HCLS1: variants seen among roughly 807,000 people sequenced by gnomAD.
HCLS1 encodes the protein hematopoietic cell-specific Lyn substrate 1.
HCLS1 carries 44 observed loss-of-function variants against 68.6 expected under a neutral mutation model. The observed-to-expected ratio is 0.64, with a 90% CI of 0.50 to 0.82. The LOEUF is 0.82. HCLS1 is among the 40% of genes least tolerant of loss of function. The pLI is 0.00. For missense variants in HCLS1, 602 were observed against 612.1 expected (o/e 0.98, Z 0.17); for synonymous variants, 217 against 225.8 (o/e 0.96, Z 0.35).
chr3:121,651,737 C>A (rs982471469), intron 3 of HCLS1, among the ~76,000 whole-genome samples: 1 of 152,190 alleles, frequency 6.6e-6, no homozygotes, highest in African/African-American at 2.4e-5. Flanking sequence ...AAAATACTAA[C>A]AATAACAAAT....
intron 6 of HCLS1, 120 bp from the exon 7 acceptor site, chr3:121,637,376 G>A (rs2049160247): frequency 1.5e-6 from 1 of 672,630 alleles, no homozygotes; most frequent in African/African-American, 1.8e-5. Context: ...AAAAGAGCAG[G>A]GCTTGAATAC....
rs1421253473 is a variant in HCLS1, at chr3:121,631,661, G to A, written c.*185C>T. The A allele has an allele frequency of 1.7e-6, 1 of 605,192 alleles. No individual in the cohort carries two copies. The highest frequency in any genetic ancestry group is 1.9e-5 in the African/African-American group (1 of 53,794). 37.5% of individuals were successfully genotyped at this position (605,192 alleles called of 1,614,324 possible). A position where few individuals can be genotyped will look rare whatever the true frequency, so the allele number is the denominator to read the frequency against. ...TTCATGAGCTCATCCAGGATAGAGA[G>A]GACTCTTGGGGAAGGGGACCTCCTT... On this transcript the variant is annotated 3_prime_UTR_variant, in exon 14 of 14. Transcript: ENST00000314583.
intron 4 of HCLS1, among the ~76,000 whole-genome samples, chr3:121,646,609 C>T (rs867419827): frequency 2.8e-5 from 3 of 105,292 alleles, no homozygotes; most frequent in East Asian, 5.3e-4. Context: ...AATATATATA[C>T]TTATTATATA....
At chr3:121,654,329 A>T (rs1937816182) in intron 3 of HCLS1, 1 of 152,236 alleles carries the variant, frequency 6.6e-6, no homozygotes, top group East Asian at 1.9e-4. Context: ...TGAATTTAAA[A>T]ATAAAAACTG....
At chr3:121,642,818 G>A (rs1457969797) in intron 6 of HCLS1, 109 bp downstream of exon 6, 3 of 846,328 alleles carry the variant, frequency 3.5e-6, no homozygotes, top group African/African-American at 1.7e-5. Context: ...ATAGTGGTGC[G>A]CTGGGTCATG....
At chr3:121,638,958 G>C (rs1469413911) in intron 6 of HCLS1, among the ~76,000 whole-genome samples, 1 of 151,836 alleles carries the variant, frequency 6.6e-6, no homozygotes, top group East Asian at 1.9e-4. Context: ...AGGCAGGAGG[G>C]TGACTTGAGC....
intron 6 of HCLS1, among the ~76,000 whole-genome samples, chr3:121,640,539 A>G (rs527671085): frequency 6.6e-6 from 1 of 152,184 alleles, no homozygotes; most frequent in East Asian, 1.9e-4. Context: ...ATAATTAAAC[A>G]GCTTAAAGAA....
At chr3:121,652,004 G>C (rs1937761795) in intron 3 of HCLS1, among the ~76,000 whole-genome samples, 2 of 152,148 alleles carry the variant, frequency 1.3e-5, no homozygotes, top group South Asian at 4.1e-4. Flanking sequence ...CTATTGACAG[G>C]ATAATGAATA....
intron 3 of HCLS1, among the ~76,000 whole-genome samples, chr3:121,652,634 TG>T (rs1285257359): frequency 6.6e-6 from 1 of 152,136 alleles, no homozygotes; most frequent in Non-Finnish European, 1.5e-5. Flanking sequence ...CACTCCAGCC[TG>T]GATGACAGAG....
intron 4 of HCLS1, among the ~76,000 whole-genome samples, chr3:121,646,639 AT>A (rs1470744590): frequency 2.7e-4 from 32 of 117,190 alleles, no homozygotes; most frequent in African/African-American, 4.0e-4. Context: ...ATAAGTATAT[AT>A]TATATTATAT....
intron 7 of HCLS1, 57 bp downstream of exon 7, chr3:121,637,089 G>A: frequency 8.0e-7 from 1 of 1,243,454 alleles, no homozygotes. Context: ...CTTCCAGAAA[G>A]GAAGGAAGGA....
At chr3:121,656,381 A>G (rs1287583778) in intron 3 of HCLS1, 2 of 152,128 alleles carry the variant, frequency 1.3e-5, no homozygotes, top group African/African-American at 2.4e-5. Context: ...TTGTTACACT[A>G]TTTATTGTGT....
At chr3:121,632,023 G>GA (rs1174745415) in intron 13 of HCLS1, 41 bp from the exon 14 acceptor site, 1 of 1,614,020 alleles carries the variant, frequency 6.2e-7, no homozygotes, top group Admixed American at 1.7e-5. Context: ...GGTCAGACAT[G>GA]AATCTCTTTT....
At position 121,632,405 on chromosome 3, in the gene HCLS1, C is replaced by T; in HGVS notation, c.1167G>A (p.Gln389=). 1 of 1,614,088 alleles carries T rather than the reference C, an allele frequency of 6.2e-7. No homozygotes were observed. The highest frequency in any genetic ancestry group is 1.1e-5 in the South Asian group (1 of 91,074). Residue 389 remains glutamine (Q), a synonymous_variant, in exon 12 of 14, where the codon CAG becomes CAA. Transcript: ENST00000314583. ...EDVEEMDRHE[Q]EDEPEGDYEE... ...CATAGTCCCCCTCTGGTTCATCCTCCTGCTCATGCCTGTCCATCTCCTCAA... is the reference window on the plus strand; with the variant it reads ...CATAGTCCCCCTCTGGTTCATCCTCTTGCTCATGCCTGTCCATCTCCTCAA...
chr3:121,635,286 T>G (rs949747358), intron 9 of HCLS1, among the ~76,000 whole-genome samples: 1 of 143,326 alleles, frequency 7.0e-6, no homozygotes, highest in Admixed American at 7.0e-5. Context: ...CTCTCTCTCC[T>G]CTCTCTCTCT....
chr3:121,659,781 TCA>T (rs1937952092), intron 1 of HCLS1, among the ~76,000 whole-genome samples: 1 of 152,074 alleles, frequency 6.6e-6, no homozygotes, highest in African/African-American at 2.4e-5. Context: ...AAAAGGACTG[TCA>T]CACAGAAAAC....
At chr3:121,637,659 G>C (rs1318000434) in intron 6 of HCLS1, among the ~76,000 whole-genome samples, 2 of 152,216 alleles carry the variant, frequency 1.3e-5, no homozygotes, top group East Asian at 3.9e-4. Context: ...AGCTCAGGCC[G>C]AGCACGGTGC....
intron 1 of HCLS1, among the ~76,000 whole-genome samples, chr3:121,660,014 CAG>C (rs1178748025): frequency 1.1e-4 from 17 of 152,158 alleles, no homozygotes; most frequent in African/African-American, 3.6e-4. Flanking sequence ...AGGTGAGAAC[CAG>C]AGAGTAATCT....
At chr3:121,634,087 A>G (rs889742988) in intron 10 of HCLS1, 120 bp downstream of exon 10, 7 of 1,517,234 alleles carry the variant, frequency 4.6e-6, no homozygotes, top group Non-Finnish European at 6.2e-6. Flanking sequence ...GACAGAGACA[A>G]CAGACCTTGC....
Sources: allele counts gnomAD v4.1 joint callset (sites outside exome capture counted in the v4.1 genomes callset), GRCh38; gene constraint gnomAD v4.1.1; transcripts MANE v1.5; gene names NCBI Gene and HGNC (gene_info 2026-07-23, HGNC 2026-07-21).